The following PRKG1 variants were observed in gnomAD, a reference collection of about 807,000 sequenced individuals.
The protein encoded by PRKG1 is protein kinase cGMP-dependent 1.
In PRKG1, 35 loss-of-function variants were observed where a neutral mutation model predicts 88.1. The ratio of observed to expected loss-of-function variants is 0.40; its 90% confidence interval spans 0.30 to 0.53. PRKG1 has a LOEUF of 0.53. PRKG1 is among the 20% of genes least tolerant of loss of function. The pLI, the probability that PRKG1 is intolerant of heterozygous loss-of-function variation, is 0.59. For synonymous variants in PRKG1, 303 were observed against 292.5 expected, an observed-to-expected ratio of 1.04 and a Z score of -0.37; for missense variants, 540 against 839.8, an observed-to-expected ratio of 0.64 and a Z score of 4.41.
intron 1 of PRKG1, among the ~76,000 whole-genome samples, chr10:51,058,285 A>T (rs1373979030): frequency 3.3e-5 from 5 of 151,996 alleles, no homozygotes; most frequent in Admixed American, 6.6e-5. Flanking sequence ...ATCTTTCCCT[A>T]CTTTGTAGTT....
intron 8 of PRKG1, among the ~76,000 whole-genome samples, chr10:52,139,848 G>A (rs1875790): frequency 0.14 from 21,516 of 151,902 alleles, 1,737 homozygotes; most frequent in Middle Eastern, 0.24. Context: ...ACATGACTCG[G>A]ACAAGGGGTT....
At chr10:52,113,348 T>C (rs898854372) in intron 7 of PRKG1, among the ~76,000 whole-genome samples, 2 of 152,068 alleles carry the variant, frequency 1.3e-5, no homozygotes, top group Non-Finnish European at 2.9e-5. Context: ...TTACATATTT[T>C]AGACACAGTA....
chr10:51,134,397 A>G (rs574928726), intron 1 of PRKG1, among the ~76,000 whole-genome samples: 3 of 152,308 alleles, frequency 2.0e-5, no homozygotes, highest in African/African-American at 7.2e-5. Flanking sequence ...TTAAAATCAG[A>G]TGATCTCTAA....
At chr10:51,297,500 G>C (rs1449282456) in intron 2 of PRKG1, among the ~76,000 whole-genome samples, 1 of 152,040 alleles carries the variant, frequency 6.6e-6, no homozygotes, top group African/African-American at 2.4e-5. Context: ...AATTAGGATT[G>C]AGAGGAAACT....
intron 2 of PRKG1, among the ~76,000 whole-genome samples, chr10:51,427,165 A>G (rs1007996023): frequency 6.6e-6 from 1 of 152,198 alleles, no homozygotes; most frequent in African/African-American, 2.4e-5. Context: ...GTTGCAAAGG[A>G]AAAGCAAAGA....
chr10:52,220,701 G>A (rs1284453741), intron 9 of PRKG1, among the ~76,000 whole-genome samples: 1 of 151,982 alleles, frequency 6.6e-6, no homozygotes, highest in East Asian at 1.9e-4. Flanking sequence ...AGTTTGCTAA[G>A]GATAATGGCC....
chr10:52,021,065 C>G (rs2133191008), intron 5 of PRKG1, among the ~76,000 whole-genome samples: 1 of 152,234 alleles, frequency 6.6e-6, no homozygotes, highest in East Asian at 1.9e-4. Context: ...GTCTAACTAC[C>G]TGTAACAAAC....
chr10:51,534,850 T>G (rs557202167), intron 3 of PRKG1, among the ~76,000 whole-genome samples: 1 of 152,280 alleles, frequency 6.6e-6, no homozygotes, highest in African/African-American at 2.4e-5. Flanking sequence ...CAGGTTTTTC[T>G]TGATTTAATA....
chr10:52,150,877 A>C (rs972872224), intron 8 of PRKG1, among the ~76,000 whole-genome samples: 3 of 152,136 alleles, frequency 2.0e-5, no homozygotes, highest in Non-Finnish European at 4.4e-5. Context: ...GTTTTTAAAT[A>C]GTCAGTTACT....
chr10:51,381,636 C>T (rs1424651392), intron 2 of PRKG1, among the ~76,000 whole-genome samples: 1 of 152,186 alleles, frequency 6.6e-6, no homozygotes, highest in Non-Finnish European at 1.5e-5. Flanking sequence ...TCAAGCTACT[C>T]ATTGCTTAGT....
chr10:51,439,460 C>T (rs915570724), intron 2 of PRKG1, among the ~76,000 whole-genome samples: 1 of 151,892 alleles, frequency 6.6e-6, no homozygotes, highest in Non-Finnish European at 1.5e-5. Context: ...CCCTCTCTGG[C>T]ATTCCTACTT....
intron 2 of PRKG1, among the ~76,000 whole-genome samples, chr10:51,233,356 C>T (rs148084894): frequency 1.3e-3 from 202 of 152,308 alleles, no homozygotes; most frequent in African/African-American, 4.8e-3. Flanking sequence ...ATAACTATGA[C>T]TTGAGATCTA....
chr10:51,973,340 C>T (rs1843754225), intron 5 of PRKG1, among the ~76,000 whole-genome samples: 1 of 152,166 alleles, frequency 6.6e-6, no homozygotes, highest in Non-Finnish European at 1.5e-5. Context: ...TCATTTTCTA[C>T]TCAAACCATC....
In PRKG1 at chr10:52,293,710, A is replaced by C. The variant is rs11001486; in HGVS notation, c.1963-92A>C. 1.8e-3 allele frequency: 1,751 copies of C among 969,354 alleles called. 21 individuals are homozygous for C. In the African/African-American group the frequency reaches 0.023, roughly 13 times the overall value. The allele number at this position is 969,354 out of a possible 1,614,324, so 60.0% of individuals were successfully genotyped here. On this transcript the variant is annotated intron_variant, in intron 17 of 17. Transcript: ENST00000373980. ...GTAGATACTCAATGAAATAGTCACT[A>C]ATAGGGAATAAATACAGAATGCACT...
chr10:51,342,261 A>G (rs1421745570), intron 2 of PRKG1, among the ~76,000 whole-genome samples: 1 of 152,202 alleles, frequency 6.6e-6, no homozygotes, highest in East Asian at 1.9e-4. Context: ...GGATGTGTAC[A>G]ACAGCGGGTA....
At chr10:51,383,096 T>G (rs1588899981) in intron 2 of PRKG1, among the ~76,000 whole-genome samples, 1 of 152,242 alleles carries the variant, frequency 6.6e-6, no homozygotes, top group East Asian at 1.9e-4. Context: ...CTGGAGCTAG[T>G]GATTTGGGTT....
At chr10:51,079,888 T>C (rs962723460) in intron 1 of PRKG1, among the ~76,000 whole-genome samples, 30 of 152,278 alleles carry the variant, frequency 2.0e-4, no homozygotes, top group African/African-American at 7.2e-4. Context: ...TCCAAGTTCC[T>C]TTTTCCACTC....
intron 2 of PRKG1, among the ~76,000 whole-genome samples, chr10:51,346,055 A>T (rs1273892631): frequency 6.6e-6 from 1 of 152,182 alleles, no homozygotes; most frequent in South Asian, 2.1e-4. Flanking sequence ...TTACTTGATC[A>T]TTTTATCACT....
chr10:51,106,716 CAAAT>C (rs1564602576), intron 1 of PRKG1, among the ~76,000 whole-genome samples: 1 of 152,128 alleles, frequency 6.6e-6, no homozygotes, highest in Non-Finnish European at 1.5e-5. Context: ...AATAGAAAAA[CAAAT>C]TAAGTTGTGG....
Sources: gnomAD v4.1 joint callset for allele counts (sites outside exome capture counted in the v4.1 genomes callset) on GRCh38, gnomAD v4.1.1 for gene constraint, MANE v1.5 for transcripts, NCBI Gene and HGNC (gene_info 2026-07-23, HGNC 2026-07-21) for gene names.